The following CACNA1A variants were observed in gnomAD, a reference collection of about 807,000 sequenced individuals.
CACNA1A encodes voltage-dependent P/Q-type calcium channel subunit alpha-1A.
A neutral mutation model predicts 262.4 loss-of-function variants in CACNA1A; 57 were observed. That is an observed-to-expected ratio of 0.22 (90% CI 0.18 to 0.27). The LOEUF is 0.27. CACNA1A is among the 10% of genes least tolerant of loss of function. The probability of loss-of-function intolerance (pLI) is 1.00; values close to 1 mark genes in which losing one functional copy is unlikely to be tolerated. For synonymous variants in CACNA1A, 1,431 were observed against 1,419.3 expected (o/e 1.01, Z -0.18); for missense variants, 2,526 against 3,562.8 (o/e 0.71, Z 7.41).
At chr19:13,430,955 T>C (rs1939825134) in intron 3 of CACNA1A, among the ~76,000 whole-genome samples, 1 of 151,624 alleles carries the variant, frequency 6.6e-6, no homozygotes, top group Non-Finnish European at 1.5e-5. Context: ...GGGAACAGCC[T>C]GTGCAAAGGC....
At chr19:13,457,147 A>C (rs1017134445) in intron 1 of CACNA1A, among the ~76,000 whole-genome samples, 11 of 152,004 alleles carry the variant, frequency 7.2e-5, no homozygotes, top group African/African-American at 2.7e-4. Context: ...GCTACTTGGG[A>C]GGCTGAGGAG....
At chr19:13,295,277 A>G (rs1026428827) in intron 19 of CACNA1A, among the ~76,000 whole-genome samples, 1 of 152,174 alleles carries the variant, frequency 6.6e-6, no homozygotes, top group African/African-American at 2.4e-5. Flanking sequence ...CTACGTGGAA[A>G]CCTAATAACA....
At chr19:13,323,569 G>A (rs937350502) in intron 10 of CACNA1A, among the ~76,000 whole-genome samples, 2 of 152,054 alleles carry the variant, frequency 1.3e-5, no homozygotes, top group Admixed American at 6.6e-5. Flanking sequence ...TCAAGGGATC[G>A]TCACATCTTA....
At chr19:13,295,736 TCTC>T (rs2057653276) in intron 19 of CACNA1A, among the ~76,000 whole-genome samples, 1 of 152,030 alleles carries the variant, frequency 6.6e-6, no homozygotes, top group East Asian at 1.9e-4. Flanking sequence ...CTCAAGCGAT[TCTC>T]CTTCCTCAGC....
chr19:13,483,497 C>T (rs1979618596), intron 1 of CACNA1A, among the ~76,000 whole-genome samples: 1 of 152,186 alleles, frequency 6.6e-6, no homozygotes, highest in South Asian at 2.1e-4. Context: ...CATTTCCCCA[C>T]AGTGATTGGT....
chr19:13,485,509 T>G (rs1329359280), intron 1 of CACNA1A, among the ~76,000 whole-genome samples: 1 of 151,770 alleles, frequency 6.6e-6, no homozygotes. Context: ...TATGTAAGGA[T>G]CACCCACAAA....
intron 6 of CACNA1A, among the ~76,000 whole-genome samples, chr19:13,354,606 A>C (rs1453718420): frequency 6.6e-6 from 1 of 152,216 alleles, no homozygotes; most frequent in East Asian, 1.9e-4. Flanking sequence ...GAAGCCCCAG[A>C]CAAGAGTTCA....
At chr19:13,461,703 C>T (rs2061127400) in intron 1 of CACNA1A, among the ~76,000 whole-genome samples, 1 of 152,162 alleles carries the variant, frequency 6.6e-6, no homozygotes, top group African/African-American at 2.4e-5. Flanking sequence ...CTCACAGCTG[C>T]GGTGAGCAAT....
Position 13,359,617 on chromosome 19 carries a change from G to C in CACNA1A, c.967C>G (p.Leu323Val). 1 of 1,610,204 alleles carries C rather than the reference G, an allele frequency of 6.2e-7. No individual in the cohort carries two copies. Among genetic ancestry groups the C allele is most frequent in the Non-Finnish European group, 8.5e-7 (1 of 1,177,706 alleles). ...CCAGCATCACTTACATTGTAGAGGA[G>C]ATCAGTCCACCCTTCCATGGTTATG... Reference protein sequence around the residue: ...QCITMEGWTDLLYNSNDASGN... With the variant: ...QCITMEGWTDVLYNSNDASGN... Residue 323 changes from leucine to valine, a missense_variant, in exon 6 of 47, where the codon CTC becomes GTC. By Grantham distance (32) the Leu-to-Val change is conservative. Transcript: ENST00000360228.
At chr19:13,294,195 C>A (rs1358903348) in intron 19 of CACNA1A, among the ~76,000 whole-genome samples, 5 of 132,566 alleles carry the variant, frequency 3.8e-5, no homozygotes, top group Non-Finnish European at 4.7e-5. Context: ...CAGAGCAAGA[C>A]CCTGCCTCAA....
At chr19:13,253,953 G>A (rs1053809937) in intron 29 of CACNA1A, among the ~76,000 whole-genome samples, 4 of 151,686 alleles carry the variant, frequency 2.6e-5, no homozygotes, top group African/African-American at 9.7e-5. Context: ...TTGGCCAGTT[G>A]GTCCCGAACA....
At chr19:13,285,496 C>T (rs1257886398) in intron 20 of CACNA1A, among the ~76,000 whole-genome samples, 2 of 152,068 alleles carry the variant, frequency 1.3e-5, no homozygotes, top group Non-Finnish European at 2.9e-5. Flanking sequence ...GCGGCCTGGC[C>T]CCCGAGAGCC....
intron 1 of CACNA1A, among the ~76,000 whole-genome samples, chr19:13,498,486 G>C (rs147445436): frequency 6.6e-6 from 1 of 152,150 alleles, no homozygotes; most frequent in Non-Finnish European, 1.5e-5. Context: ...TTATTTGGGG[G>C]CTGGGGGTGG....
At chr19:13,493,983 C>A (rs1298230660) in intron 1 of CACNA1A, among the ~76,000 whole-genome samples, 1 of 152,232 alleles carries the variant, frequency 6.6e-6, no homozygotes, top group East Asian at 1.9e-4. Flanking sequence ...ACACCCCTTT[C>A]TCTGTCAAAA....
At chr19:13,392,587 A>G (rs1343053194) in intron 3 of CACNA1A, among the ~76,000 whole-genome samples, 1 of 152,236 alleles carries the variant, frequency 6.6e-6, no homozygotes, top group African/African-American at 2.4e-5. Flanking sequence ...GAGCAAAATA[A>G]AAACAAACTC....
chr19:13,449,062 G>A (rs2060868472), intron 3 of CACNA1A, among the ~76,000 whole-genome samples: 1 of 151,856 alleles, frequency 6.6e-6, no homozygotes, highest in African/African-American at 2.4e-5. Context: ...GACCTCCTGG[G>A]CTCACGTGAT....
intron 3 of CACNA1A, among the ~76,000 whole-genome samples, chr19:13,440,580 G>A (rs1217163437): frequency 6.6e-6 from 1 of 152,120 alleles, no homozygotes; most frequent in Non-Finnish European, 1.5e-5. Flanking sequence ...GCCAGTTTTT[G>A]TTCTGAATGC....
chr19:13,297,865 TGC>T (rs2057696904), intron 19 of CACNA1A, among the ~76,000 whole-genome samples: 1 of 151,854 alleles, frequency 6.6e-6, no homozygotes, highest in African/African-American at 2.4e-5. Flanking sequence ...CTTGCTCTGT[TGC>T]CCAGGCTGGA....
At chr19:13,460,157 G>T (rs900339519) in intron 1 of CACNA1A, among the ~76,000 whole-genome samples, 1 of 152,172 alleles carries the variant, frequency 6.6e-6, no homozygotes. Context: ...TGTGGTCCCA[G>T]AACCAGCACC....
Sources: allele counts gnomAD v4.1 joint callset (sites outside exome capture counted in the v4.1 genomes callset), GRCh38; gene constraint gnomAD v4.1.1; transcripts MANE v1.5; gene names NCBI Gene and HGNC (gene_info 2026-07-23, HGNC 2026-07-21).